The following UBAC2 variants were observed in gnomAD, a reference collection of about 807,000 sequenced individuals.
UBAC2 encodes the protein ubiquitin-associated domain-containing protein 2.
A neutral mutation model predicts 44.0 loss-of-function variants in UBAC2; 26 were observed. That is an observed-to-expected ratio of 0.59 (90% CI 0.43 to 0.82). UBAC2 has a LOEUF of 0.82. Ranked by LOEUF, UBAC2 falls within the 40% of genes least tolerant of loss-of-function variation. The pLI is 0.00. For missense variants in UBAC2, 329 were observed against 419.4 expected, an observed-to-expected ratio of 0.78 and a Z score of 1.88; for synonymous variants, 155 against 154.3, an observed-to-expected ratio of 1.00 and a Z score of -0.04.
chr13:99,286,534 A>C (rs1255329574), intron 4 of UBAC2, among the ~76,000 whole-genome samples: 1 of 151,804 alleles, frequency 6.6e-6, no homozygotes, highest in South Asian at 2.1e-4. Flanking sequence ...CGGGGGGTAC[A>C]TATGCAGGTT....
At chr13:99,341,421 G>C (rs78698476) in intron 7 of UBAC2, among the ~76,000 whole-genome samples, 64 of 30,008 alleles carry the variant, frequency 2.1e-3, no homozygotes, top group Non-Finnish European at 3.6e-3. Flanking sequence ...TTATATCAGG[G>C]GGGGGGAGGA....
chr13:99,341,411 T>A (rs1449564888), intron 7 of UBAC2, among the ~76,000 whole-genome samples: 1 of 25,402 alleles, frequency 3.9e-5, no homozygotes, highest in African/African-American at 9.0e-5. Context: ...GTCCCAGAGT[T>A]TATATCAGGG....
chr13:99,296,362 AC>A (rs1156835866), intron 4 of UBAC2, among the ~76,000 whole-genome samples: 2 of 152,328 alleles, frequency 1.3e-5, no homozygotes, highest in East Asian at 3.9e-4. Flanking sequence ...AACAGGAAGA[AC>A]AGAATAAAAT....
intron 1 of UBAC2, among the ~76,000 whole-genome samples, chr13:99,229,205 C>T (rs1025974422): frequency 9.2e-5 from 14 of 152,062 alleles, no homozygotes; most frequent in Admixed American, 8.5e-4. Flanking sequence ...TGTGTGGGAA[C>T]GAGGGTGCAG....
At chr13:99,239,664 TAAA>T (rs2043278390) in intron 2 of UBAC2, among the ~76,000 whole-genome samples, 1 of 152,230 alleles carries the variant, frequency 6.6e-6, no homozygotes, top group Non-Finnish European at 1.5e-5. Context: ...ATCTGTGCTT[TAAA>T]GGTGGTGACC....
At chr13:99,359,996 TCCAATGG>T (rs2045243189) in intron 7 of UBAC2, among the ~76,000 whole-genome samples, 1 of 152,246 alleles carries the variant, frequency 6.6e-6, no homozygotes, top group African/African-American at 2.4e-5. Flanking sequence ...TGCATTTGTT[TCCAATGG>T]CCAACAGTCT....
Position 99,212,690 on chromosome 13 carries a change from A to G in UBAC2, c.31+11751A>G, listed in dbSNP as rs2042948547. 2.0e-5 allele frequency among the ~76,000 whole-genome samples: 3 copies of G among 152,344 alleles called. No individual in the cohort carries two copies. The South Asian group carries it at 6.2e-4, about 32-fold the overall frequency. ...GGAAAAAAACATAAATTTCCATTTCATTATACTGCCCAGATTTGATCATTA... is the reference window on the plus strand; with the variant it reads ...GGAAAAAAACATAAATTTCCATTTCGTTATACTGCCCAGATTTGATCATTA... On this transcript the variant is annotated intron_variant, in intron 1 of 8. Transcript: ENST00000403766.
At chr13:99,256,963 G>A (rs1265850178) in intron 4 of UBAC2, among the ~76,000 whole-genome samples, 1 of 152,150 alleles carries the variant, frequency 6.6e-6, no homozygotes, top group African/African-American at 2.4e-5. Flanking sequence ...TCTCTTTAAG[G>A]AAAACTATGG....
chr13:99,231,111 A>G (rs1168024382), intron 1 of UBAC2, among the ~76,000 whole-genome samples: 1 of 152,064 alleles, frequency 6.6e-6, no homozygotes, highest in African/African-American at 2.4e-5. Flanking sequence ...GTCTCATCTC[A>G]AGGACATCTG....
chr13:99,226,756 G>A (rs1219022802), intron 1 of UBAC2, among the ~76,000 whole-genome samples: 1 of 152,108 alleles, frequency 6.6e-6, no homozygotes, highest in Admixed American at 6.5e-5. Context: ...TCTTAATCAT[G>A]TTGAGCATGT....
rs75425017 is a variant in UBAC2, at chr13:99,350,331, T to C, written c.807+9766T>C. ...TGGATGACTGATGTCCAGGCTCTCC[T>C]GGATAGCCTCAGATGGGGGCTGGTT... On this transcript the variant is annotated intron_variant, in intron 7 of 8. Transcript: ENST00000403766. Among the ~76,000 whole-genome samples the C allele has an allele frequency of 0.015, 2,309 of 152,296 alleles. 107 individuals are homozygous for C. In the East Asian group the frequency reaches 0.15, roughly 10 times the overall value.
intron 1 of UBAC2, among the ~76,000 whole-genome samples, chr13:99,206,824 T>A (rs1294422542): frequency 6.6e-6 from 1 of 152,218 alleles, no homozygotes; most frequent in Admixed American, 6.5e-5. Context: ...TCCCCATCTC[T>A]TCACCCACCA....
chr13:99,237,269 T>TACACACACACACACACACACAC (rs1345943442), intron 1 of UBAC2, among the ~76,000 whole-genome samples: 2 of 122,720 alleles, frequency 1.6e-5, no homozygotes, highest in Admixed American at 8.5e-5. Flanking sequence ...TATATATATA[T>TACACACACACACACACACACAC]ATACACACAC....
At chr13:99,335,323 T>A (rs570750788) in intron 6 of UBAC2, among the ~76,000 whole-genome samples, 1 of 152,246 alleles carries the variant, frequency 6.6e-6, no homozygotes, top group Non-Finnish European at 1.5e-5. Flanking sequence ...ATTTTCTGTT[T>A]TATATCAGAT....
intron 1 of UBAC2, among the ~76,000 whole-genome samples, chr13:99,219,406 T>C (rs2043030431): frequency 6.6e-6 from 1 of 152,220 alleles, no homozygotes; most frequent in Non-Finnish European, 1.5e-5. Flanking sequence ...TACATTGTTG[T>C]GCAATTAACA....
intron 6 of UBAC2, 41 bp from the exon 7 acceptor site, chr13:99,340,279 A>G (rs778613356): frequency 1.9e-6 from 3 of 1,602,058 alleles, no homozygotes; most frequent in Non-Finnish European, 2.6e-6. Flanking sequence ...TTTTAAAATA[A>G]TACTACATTT....
rs1324686913 is a variant in UBAC2 at position 99,238,532 on chromosome 13, A to T, written c.137A>T (p.His46Leu). Residue 46 changes from histidine (H) to leucine (L), a missense_variant, in exon 2 of 9, where the codon CAC becomes CTC. Physicochemically the swap from His to Leu is moderately conservative, Grantham distance 99. Coordinates refer to ENST00000403766, the MANE Select transcript of UBAC2 (RefSeq NM_001144072.2). The part of the protein sequence containing the change: ...HCQKLFVYDL[H>L]AVKNDFQIWR... The stretch of plus-strand genomic sequence containing the variant: ...CAGAAGCTCTTTGTGTATGACCTTC[A>T]CGCAGTCAAGAACGACTTCCAGGTA... 2.5e-6 allele frequency: 4 copies of T among 1,610,696 alleles called. No individual in the cohort carries two copies. In the Admixed American group the frequency reaches 6.7e-5, roughly 27 times the overall value.
At chr13:99,229,005 T>G (rs1207269595) in intron 1 of UBAC2, among the ~76,000 whole-genome samples, 1 of 152,208 alleles carries the variant, frequency 6.6e-6, no homozygotes, top group Admixed American at 6.5e-5. Flanking sequence ...TCACAGAATC[T>G]GAGAATGTCC....
In UBAC2 at chr13:99,215,261, C is replaced by G. The variant is rs1321682561; in HGVS notation, c.31+14322C>G. The G allele has an allele frequency of 4.5e-6, 3 of 668,994 alleles. No homozygotes were observed. In the Admixed American group the frequency reaches 7.5e-5, roughly 17 times the overall value. The allele number at this position is 668,994 out of a possible 1,614,324, so 41.4% of individuals were successfully genotyped here. ...CTTCCAACTTGCCCAAATAGAATTA[C>G]AAAAAGACAAAATTGTGTTTTTCAC... On this transcript the variant is annotated intron_variant, in intron 1 of 8. Coordinates refer to ENST00000403766, the MANE Select transcript of UBAC2 (RefSeq NM_001144072.2).
Sources: allele counts gnomAD v4.1 joint callset (sites outside exome capture counted in the v4.1 genomes callset), GRCh38; gene constraint gnomAD v4.1.1; transcripts MANE v1.5; gene names NCBI Gene and HGNC (gene_info 2026-07-23, HGNC 2026-07-21).